Variants in ITPR1 observed in about 807,000 individuals in gnomAD.
ITPR1 encodes inositol 1,4,5-trisphosphate receptor type 1.
A neutral mutation model predicts 318.4 loss-of-function variants in ITPR1; 96 were observed. That is an observed-to-expected ratio of 0.30 (90% CI 0.26 to 0.36). The LOEUF is 0.36. Ranked by LOEUF, ITPR1 falls within the 10% of genes least tolerant of loss-of-function variation. ITPR1 has a pLI of 1.00. For synonymous variants in ITPR1, 1,312 were observed against 1,289.9 expected, an observed-to-expected ratio of 1.02 and a Z score of -0.37; for missense variants, 2,440 against 3,460.2, an observed-to-expected ratio of 0.71 and a Z score of 7.40.
At chr3:4,597,649 A>T (rs2090949888) in intron 4 of ITPR1, among the ~76,000 whole-genome samples, 1 of 152,180 alleles carries the variant, frequency 6.6e-6, no homozygotes, top group South Asian at 2.1e-4. Context: ...TGTGCATCAA[A>T]TTGTAGAAAT....
At chr3:4,737,783 A>C (rs970307282) in intron 44 of ITPR1, among the ~76,000 whole-genome samples, 2 of 152,204 alleles carry the variant, frequency 1.3e-5, no homozygotes, top group African/African-American at 4.8e-5. Flanking sequence ...ATATCTTGGG[A>C]GAGGATATTT....
intron 44 of ITPR1, among the ~76,000 whole-genome samples, chr3:4,741,734 G>T (rs538496567): frequency 1.3e-5 from 2 of 152,218 alleles, no homozygotes; most frequent in Admixed American, 6.5e-5. Flanking sequence ...GCTGGAAATG[G>T]AAGGCCAGTT....
At chr3:4,632,990 G>A (rs990209867) in intron 5 of ITPR1, among the ~76,000 whole-genome samples, 1 of 136,750 alleles carries the variant, frequency 7.3e-6, no homozygotes, top group African/African-American at 2.8e-5. Context: ...CCAGGCTGGA[G>A]TGTAGTGGCA....
intron 56 of ITPR1, 134 bp from the exon 57 acceptor site, chr3:4,813,008 T>C: frequency 1.4e-6 from 1 of 716,418 alleles, no homozygotes; most frequent in Non-Finnish European, 2.4e-6. Context: ...GCATTTCTGC[T>C]TTGAATTTAT....
intron 44 of ITPR1, among the ~76,000 whole-genome samples, chr3:4,760,254 G>A (rs920206971): frequency 6.6e-6 from 1 of 152,244 alleles, no homozygotes; most frequent in East Asian, 1.9e-4. Context: ...TATATGGAAA[G>A]GGCTCTGGAA....
chr3:4,526,475 G>C (rs867115764), intron 4 of ITPR1, among the ~76,000 whole-genome samples: 46 of 152,334 alleles, frequency 3.0e-4, no homozygotes, highest in African/African-American at 9.6e-4. Context: ...AGGCCCTACT[G>C]TGTACCAGCT....
chr3:4,694,555 C>A (rs142408416), intron 33 of ITPR1, among the ~76,000 whole-genome samples: 1 of 152,146 alleles, frequency 6.6e-6, no homozygotes, highest in African/African-American at 2.4e-5. Context: ...CATCATACAG[C>A]GCACTTACAC....
chr3:4,831,612 C>T (rs2291859), intron 60 of ITPR1, among the ~76,000 whole-genome samples: 44,250 of 152,080 alleles, frequency 0.29, 6,902 homozygotes, highest in East Asian at 0.53. Context: ...ACAGACAAAG[C>T]GTCTTAGCTG....
intron 4 of ITPR1, among the ~76,000 whole-genome samples, chr3:4,570,384 C>T (rs944945664): frequency 6.6e-6 from 1 of 152,186 alleles, no homozygotes; most frequent in Non-Finnish European, 1.5e-5. Context: ...CTAAGTAATG[C>T]TTTTGGAAGC....
chr3:4,567,043 A>G (rs1179825143), intron 4 of ITPR1, among the ~76,000 whole-genome samples: 1 of 152,204 alleles, frequency 6.6e-6, no homozygotes, highest in Non-Finnish European at 1.5e-5. Context: ...AAGACATTTA[A>G]TCTCTTTACC....
At chr3:4,494,874 C>G (rs184735423) in intron 2 of ITPR1, among the ~76,000 whole-genome samples, 43 of 152,314 alleles carry the variant, frequency 2.8e-4, no homozygotes, top group African/African-American at 9.4e-4. Flanking sequence ...TATTAACTGC[C>G]TCTCTCCTTC....
intron 39 of ITPR1, among the ~76,000 whole-genome samples, chr3:4,714,300 A>G (rs1291097007): frequency 1.3e-5 from 2 of 151,866 alleles, no homozygotes; most frequent in South Asian, 2.1e-4. Flanking sequence ...GCTGAGGACG[A>G]CACCACGGTG....
chr3:4,779,151 C>A lies in ITPR1; in HGVS notation c.6292-399C>A, dbSNP rs1171650359. ...TGCAAGGCCAAATAACAGTTTGTAA[C>A]CACACCTGCCCGGAAGGCAGCACAG... is the stretch of plus-strand genomic sequence containing the variant. On this transcript the variant is annotated intron_variant, in intron 48 of 61. Transcript: ENST00000649015. The surrounding 1 kb of genome is among the most constrained non-coding windows in gnomAD (Gnocchi z 4.0). 6.6e-6 allele frequency among the ~76,000 whole-genome samples: 1 copy of A among 152,250 alleles called. No individual in the cohort carries two copies. Among genetic ancestry groups the A allele is most frequent in the African/African-American group, 2.4e-5 (1 of 41,468 alleles).
chr3:4,729,367 T>G (rs1210325160), intron 42 of ITPR1, among the ~76,000 whole-genome samples: 2 of 151,908 alleles, frequency 1.3e-5, no homozygotes, highest in Non-Finnish European at 2.9e-5. Context: ...CCTTGTGGAG[T>G]GAAACATTGA....
At chr3:4,822,227 C>T (rs368760508) in intron 60 of ITPR1, among the ~76,000 whole-genome samples, 7 of 152,130 alleles carry the variant, frequency 4.6e-5, no homozygotes, top group South Asian at 2.1e-4. Context: ...AGGGAGCAGG[C>T]GAAAGAGCAA....
intron 46 of ITPR1, 126 bp downstream of exon 46, chr3:4,768,890 T>G: frequency 1.1e-6 from 1 of 871,772 alleles, no homozygotes; most frequent in Non-Finnish European, 1.7e-6. Context: ...GCAAGGTTCT[T>G]TTTTTTCCTT....
chr3:4,845,118 G>C (rs900022879), intron 61 of ITPR1, among the ~76,000 whole-genome samples: 7 of 152,184 alleles, frequency 4.6e-5, no homozygotes, highest in Admixed American at 1.3e-4. Flanking sequence ...ACTTTGATAA[G>C]TTAAATGACA....
intron 4 of ITPR1, among the ~76,000 whole-genome samples, chr3:4,611,031 C>CTTTT (rs1369400414): frequency 1.8e-5 from 1 of 55,786 alleles, no homozygotes; most frequent in African/African-American, 7.9e-5. Flanking sequence ...CCCTTCCTCC[C>CTTTT]TCCCTCCCTC....
In ITPR1 at chr3:4,665,192, C is replaced by T. The variant is rs1325295506; in HGVS notation, c.1609C>T (p.Arg537Trp). Residue 537 changes from arginine to tryptophan, a missense_variant, in exon 17 of 62, where the codon CGG becomes TGG. Transcript: ENST00000649015. ...AGACTGCGGTGATGGCCCAATGCTT[C>T]GGCTGGAAGAGCTCGGGGACCAGCG... ...FTDCGDGPML[R>W]LEELGDQRHA... is the part of the protein sequence containing the mutation. 2.5e-6 allele frequency: 4 copies of T among 1,614,032 alleles called. No individual in the cohort carries two copies. Among genetic ancestry groups the T allele is most frequent in the Non-Finnish European group, 2.5e-6 (3 of 1,179,868 alleles).
Sources: gnomAD v4.1 joint callset for allele counts (sites outside exome capture counted in the v4.1 genomes callset) on GRCh38, gnomAD v4.1.1 for gene constraint, Gnocchi (gnomAD v3.1) non-coding constraint, MANE v1.5 for transcripts, NCBI Gene and HGNC (gene_info 2026-07-23, HGNC 2026-07-21) for gene names.